MAMDC2: variants seen among roughly 807,000 people sequenced by gnomAD.
MAMDC2 encodes MAM domain-containing protein 2.
In MAMDC2, 57 loss-of-function variants were observed where a neutral mutation model predicts 89.8. The ratio of observed to expected loss-of-function variants is 0.63; its 90% CI spans 0.51 to 0.79. The LOEUF is 0.79. Among genes scored for constraint, MAMDC2 ranks in the 30% least tolerant of loss-of-function variants. The pLI is 0.00. For missense variants in MAMDC2, 800 were observed against 820.6 expected (o/e 0.97, Z 0.31); for synonymous variants, 313 against 293.4 (o/e 1.07, Z -0.68).
intron 9 of MAMDC2, chr9:70,168,470 C>T (rs1325435818): frequency 9.9e-6 from 4 of 402,798 alleles, no homozygotes; most frequent in East Asian, 5.0e-5. Flanking sequence ...CCAGCCTTGG[C>T]GACAGAGCGA....
Position 70,143,746 on chromosome 9 carries a change from G to C in MAMDC2, c.1331G>C (p.Trp444Ser). The change falls in exon 9 of 14, where the codon TGG becomes TCG. Residue 444 changes from tryptophan (W) to serine (S), a missense_variant. Transcript: ENST00000377182. ...AACCATGTGGTTCAAGAGAAGATCT[G>C]GTCTGTGTTGGAGTCCCCAAGGGGT... The part of the protein sequence containing the change: ...EENHVVQEKI[W>S]SVLESPRGVW... The C allele has an allele frequency of 6.2e-7, 1 of 1,614,144 alleles. No individual in the cohort carries two copies. The highest frequency in any genetic ancestry group is 8.5e-7 in the Non-Finnish European group (1 of 1,180,008).
Position 70,199,084 on chromosome 9 carries a change from T to C in MAMDC2, c.1652-19253T>C, listed in dbSNP as rs183237804. Among the ~76,000 whole-genome samples, 284 of 151,762 alleles carry C rather than the reference T, an allele frequency of 1.9e-3. 1 individual carries two copies. The highest frequency in any genetic ancestry group is 6.6e-3 in the African/African-American group (274 of 41,344). ...GTTTTTTTTTTATTATACTTTAAGT[T>C]TTAGGGTACATGTGCACATTGTACA... On this transcript the variant is annotated intron_variant, in intron 11 of 13. Coordinates refer to ENST00000377182, the MANE Select transcript of MAMDC2 (RefSeq NM_153267.5).
chr9:70,044,748 G>T, intron 2 of MAMDC2, 51 bp downstream of exon 2: 2 of 1,384,682 alleles, frequency 1.4e-6, no homozygotes. Context: ...TTCCTTGATG[G>T]CTTGCTTTTT....
At chr9:70,108,876 A>G (rs1437695408) in intron 3 of MAMDC2, among the ~76,000 whole-genome samples, 1 of 152,192 alleles carries the variant, frequency 6.6e-6, no homozygotes, top group Non-Finnish European at 1.5e-5. Flanking sequence ...ATTTTGAACA[A>G]AAGATTATAA....
chr9:70,105,707 A>G (rs1828323016), intron 2 of MAMDC2, among the ~76,000 whole-genome samples: 1 of 152,240 alleles, frequency 6.6e-6, no homozygotes. Context: ...TACATTTTAT[A>G]TAGTGTGTGC....
In MAMDC2 at chr9:70,114,660, A is replaced by G. The variant is rs146649518; in HGVS notation, c.643+1528A>G. Among the ~76,000 whole-genome samples the G allele has an allele frequency of 4.3e-3, 650 of 152,300 alleles. 5 individuals are homozygous for G. The highest frequency in any genetic ancestry group is 0.015 in the African/African-American group (622 of 41,566). ...ACGCAACTTTAAATCTAGCATTTTCATTAATTTGACCCAGCATTAGATATG... is the reference window on the plus strand; with the variant it reads ...ACGCAACTTTAAATCTAGCATTTTCGTTAATTTGACCCAGCATTAGATATG... On this transcript the variant is annotated intron_variant, in intron 5 of 13. Coordinates refer to ENST00000377182, the MANE Select transcript of MAMDC2 (RefSeq NM_153267.5).
At chr9:70,213,616 AT>A (rs1036555186) in intron 11 of MAMDC2, among the ~76,000 whole-genome samples, 7 of 152,198 alleles carry the variant, frequency 4.6e-5, no homozygotes, top group African/African-American at 1.7e-4. Context: ...TATTGTTTAC[AT>A]TGACCTAAGT....
At chr9:70,063,088 G>A (rs1827184430) in intron 2 of MAMDC2, 1 of 152,078 alleles carries the variant, frequency 6.6e-6, no homozygotes, top group South Asian at 2.1e-4. Context: ...AACCCCGTCT[G>A]TACTATACAT....
intron 2 of MAMDC2, among the ~76,000 whole-genome samples, chr9:70,062,159 GT>G (rs1827163085): frequency 6.6e-6 from 1 of 151,958 alleles, no homozygotes; most frequent in African/African-American, 2.4e-5. Flanking sequence ...GTTTCATTTT[GT>G]CATTTTTCCT....
intron 8 of MAMDC2, among the ~76,000 whole-genome samples, chr9:70,142,760 A>T (rs1400351094): frequency 1.3e-5 from 2 of 152,172 alleles, no homozygotes; most frequent in Non-Finnish European, 2.9e-5. Flanking sequence ...TAACTGGGTA[A>T]AACTAAACTG....
At chr9:70,202,388 T>G (rs1012641806) in intron 11 of MAMDC2, among the ~76,000 whole-genome samples, 1 of 152,146 alleles carries the variant, frequency 6.6e-6, no homozygotes, top group Non-Finnish European at 1.5e-5. Flanking sequence ...TAATCCTGAG[T>G]TCTAGTTTGA....
intron 9 of MAMDC2, among the ~76,000 whole-genome samples, chr9:70,167,314 T>G (rs944878558): frequency 6.6e-5 from 10 of 152,220 alleles, no homozygotes; most frequent in African/African-American, 2.2e-4. Flanking sequence ...ATTTTATATT[T>G]TGCATACTGG....
At chr9:70,200,066 T>A (rs956144981) in intron 11 of MAMDC2, among the ~76,000 whole-genome samples, 1 of 150,650 alleles carries the variant, frequency 6.6e-6, no homozygotes, top group African/African-American at 2.4e-5. Flanking sequence ...TTAGATCCCA[T>A]TTGTCAATTT....
chr9:70,183,325 C>T (rs1303691206), intron 11 of MAMDC2, among the ~76,000 whole-genome samples: 2 of 152,130 alleles, frequency 1.3e-5, no homozygotes, highest in East Asian at 1.9e-4. Context: ...GTATATTCTC[C>T]TGATTTGGGG....
At chr9:70,124,473 A>C (rs2030435329) in intron 5 of MAMDC2, among the ~76,000 whole-genome samples, 1 of 152,090 alleles carries the variant, frequency 6.6e-6, no homozygotes, top group Non-Finnish European at 1.5e-5. Context: ...ATGTTGAACA[A>C]CTTGCCACCA....
At chr9:70,165,754 A>G (rs2032152384) in intron 9 of MAMDC2, among the ~76,000 whole-genome samples, 1 of 152,184 alleles carries the variant, frequency 6.6e-6, no homozygotes, top group Admixed American at 6.5e-5. Context: ...TCAGTTAACC[A>G]TGAGCTGCAT....
chr9:70,094,243 G>A (rs1396807162), intron 2 of MAMDC2, among the ~76,000 whole-genome samples: 2 of 152,220 alleles, frequency 1.3e-5, no homozygotes, highest in Non-Finnish European at 2.9e-5. Flanking sequence ...ATTCAAGACG[G>A]CTAAGCAATG....
chr9:70,161,671 T>C (rs891560639), intron 9 of MAMDC2, among the ~76,000 whole-genome samples: 5 of 152,244 alleles, frequency 3.3e-5, no homozygotes, highest in Non-Finnish European at 7.3e-5. Flanking sequence ...TTTTGCCAAG[T>C]ATCTCAATAT....
At chr9:70,215,070 T>C (rs957253266) in intron 11 of MAMDC2, among the ~76,000 whole-genome samples, 4 of 152,056 alleles carry the variant, frequency 2.6e-5, no homozygotes, top group Non-Finnish European at 4.4e-5. Flanking sequence ...GAAGTAAGAA[T>C]AGCGAAGTAA....
Sources: allele counts gnomAD v4.1 joint callset (sites outside exome capture counted in the v4.1 genomes callset), GRCh38; gene constraint gnomAD v4.1.1; transcripts MANE v1.5; gene names NCBI Gene and HGNC (gene_info 2026-07-23, HGNC 2026-07-21).